The following MYO16 variants were observed in gnomAD, a reference collection of about 807,000 sequenced individuals.
The protein encoded by MYO16 is unconventional myosin-XVI.
In MYO16, 94 loss-of-function variants were observed where a neutral mutation model predicts 205.3. The observed-to-expected ratio is 0.46, with a 90% CI of 0.39 to 0.54. The LOEUF is 0.54. Among genes scored for constraint, MYO16 ranks in the 20% least tolerant of loss-of-function variants. The probability of loss-of-function intolerance (pLI) is 0.00; values close to 1 mark genes in which losing one functional copy is unlikely to be tolerated. For synonymous variants in MYO16, 988 were observed against 954.0 expected (o/e 1.04, Z -0.66); for missense variants, 2,315 against 2,387.5 (o/e 0.97, Z 0.63).
At chr13:108,883,492 A>G (rs1452671871) in intron 13 of MYO16, among the ~76,000 whole-genome samples, 1 of 152,226 alleles carries the variant, frequency 6.6e-6, no homozygotes, top group Non-Finnish European at 1.5e-5. Flanking sequence ...AAGAAAAACT[A>G]CCAATATTAC....
chr13:109,140,613 G>A lies in MYO16; in HGVS notation c.4401G>A (p.Pro1467=), dbSNP rs766929066. 1.8e-5 allele frequency: 27 copies of A among 1,518,174 alleles called. No individual in the cohort carries two copies. The African/African-American group carries it at 2.7e-4, about 15-fold the overall frequency. 94.0% of individuals were successfully genotyped at this position (1,518,174 alleles called of 1,614,324 possible). A position where few individuals can be genotyped will look rare whatever the true frequency, so the allele number is the denominator to read the frequency against. ...MKCCLPDDGG[P]GAGSFLLHGA... ...GTTGCCTGCCCGACGACGGCGGCCC[G>A]GGCGCGGGCTCCTTCCTGCTCCACG... The change falls in exon 32 of 35, where the codon CCG becomes CCA. Residue 1467 remains proline, a synonymous_variant. Coordinates refer to ENST00000457511, the MANE Select transcript of MYO16 (RefSeq NM_001198950.3). This position sits in a 1 kb window ranked among gnomAD's most constrained non-coding sequence, Gnocchi z 8.0.
rs138806349 is a variant in MYO16 at position 108,915,458 on chromosome 13, G to A, written c.1925+5308G>A. ...TACCAAAAGTTTCTTTTTCACTTAC[G>A]GTTCTTCCTATATTGACTGCTTCCC... On this transcript the variant is annotated intron_variant, in intron 16 of 34. Coordinates refer to ENST00000457511, the MANE Select transcript of MYO16 (RefSeq NM_001198950.3). Among the ~76,000 whole-genome samples the A allele has an allele frequency of 2.4e-4, 36 of 152,182 alleles. No individual in the cohort carries two copies. In the East Asian group the frequency reaches 4.3e-3, roughly 18 times the overall value.
At chr13:108,853,954 T>TTGTGTGTGTGTGTGTGTGTGTG (rs5806760) in intron 10 of MYO16, among the ~76,000 whole-genome samples, 8 of 138,500 alleles carry the variant, frequency 5.8e-5, no homozygotes, top group Admixed American at 2.2e-4. Flanking sequence ...GTTTCTATTA[T>TTGTGTGTGTGTGTGTGTGTGTG]TGTGTGTGTG....
At chr13:108,614,053 A>G (rs1340661809) in intron 1 of MYO16, among the ~76,000 whole-genome samples, 1 of 152,132 alleles carries the variant, frequency 6.6e-6, no homozygotes. Context: ...CTATTCTTAG[A>G]CAACATGATC....
intron 31 of MYO16, among the ~76,000 whole-genome samples, chr13:109,134,227 T>C (rs1215567376): frequency 6.6e-6 from 1 of 152,218 alleles, no homozygotes; most frequent in Non-Finnish European, 1.5e-5. Context: ...ACTTGTCCTG[T>C]GTCACATAGG....
At chr13:108,793,174 T>C (rs1403413371) in intron 5 of MYO16, among the ~76,000 whole-genome samples, 2 of 151,498 alleles carry the variant, frequency 1.3e-5, no homozygotes, top group East Asian at 3.9e-4. Context: ...TAGTCCCAGC[T>C]ACTCAGAAGG....
intron 34 of MYO16, among the ~76,000 whole-genome samples, chr13:109,204,462 A>G (rs1880520823): frequency 6.6e-6 from 1 of 152,162 alleles, no homozygotes; most frequent in African/African-American, 2.4e-5. Context: ...CTGGTGGAGG[A>G]TGACGGAGGA....
rs1239822488 is a variant in MYO16, at chr13:108,665,980, A to G, written c.123A>G (p.Leu41=). Residue 41 remains leucine (L), a synonymous_variant, in exon 2 of 35, where the codon CTA becomes CTG. Transcript: ENST00000457511. The stretch of plus-strand genomic sequence containing the variant: ...TTCCCCTTGGCCAACGGCAGCGTCT[A>G]GTGAAGCGCATGCGCTGTGAGCAAA... ...ESLPLGQRQR[L]VKRMRCEQIK... is the part of the protein sequence containing the mutation. The G allele has an allele frequency of 6.2e-7, 1 of 1,614,154 alleles. No homozygotes were observed. The highest frequency in any genetic ancestry group is 8.5e-7 in the Non-Finnish European group (1 of 1,179,998).
At chr13:108,833,991 A>C (rs1023681055) in intron 9 of MYO16, among the ~76,000 whole-genome samples, 1 of 152,136 alleles carries the variant, frequency 6.6e-6, no homozygotes, top group African/African-American at 2.4e-5. Flanking sequence ...TTTATTTTTC[A>C]TAATCAGAAT....
chr13:108,887,622 C>T (rs1039751748), intron 13 of MYO16, among the ~76,000 whole-genome samples: 3 of 151,936 alleles, frequency 2.0e-5, no homozygotes, highest in South Asian at 2.1e-4. Context: ...AAAGTGATGC[C>T]CTTATAAATA....
intron 20 of MYO16, among the ~76,000 whole-genome samples, chr13:108,981,096 A>T (rs753338417): frequency 2.2e-4 from 34 of 152,246 alleles, no homozygotes; most frequent in Non-Finnish European, 4.0e-4. Context: ...ATGTTTTCTA[A>T]ATAACCCTTT....
chr13:108,987,091 A>G (rs1276724841), intron 20 of MYO16, among the ~76,000 whole-genome samples: 2 of 152,208 alleles, frequency 1.3e-5, no homozygotes, highest in East Asian at 1.9e-4. Context: ...ATTAACTGCA[A>G]TGTTCCTCGC....
At chr13:108,934,367 A>G (rs1348097128) in intron 16 of MYO16, among the ~76,000 whole-genome samples, 1 of 152,012 alleles carries the variant, frequency 6.6e-6, no homozygotes, top group Non-Finnish European at 1.5e-5. Context: ...ATTTTTTCTT[A>G]TGATTGTTGG....
chr13:109,125,994 G>A lies in MYO16; in HGVS notation c.3782+636G>A, dbSNP rs1055083594. ...CTCTCTGTGAATGATGAAGACACCC[G>A]TGAATCACAACACCCCTAAGAGGGA... On this transcript the variant is annotated intron_variant, in intron 30 of 34. Transcript: ENST00000457511. This position sits in a 1 kb window ranked among gnomAD's most constrained non-coding sequence, Gnocchi z 4.0. Among the ~76,000 whole-genome samples, 8 of 152,154 alleles carry A rather than the reference G, an allele frequency of 5.3e-5. No individual in the cohort carries two copies. The highest frequency in any genetic ancestry group is 8.8e-5 in the Non-Finnish European group (6 of 68,026).
At chr13:109,123,512 C>T (rs1402327823) in intron 29 of MYO16, among the ~76,000 whole-genome samples, 1 of 152,120 alleles carries the variant, frequency 6.6e-6, no homozygotes, top group Non-Finnish European at 1.5e-5. Context: ...CTTTTTCGCG[C>T]TCAAGGTGCC....
intron 14 of MYO16, 113 bp from the exon 15 acceptor site, chr13:108,897,903 C>A: frequency 1.2e-6 from 1 of 840,508 alleles, no homozygotes; most frequent in Non-Finnish European, 1.9e-6. Context: ...ATTCTATGAG[C>A]AGGATAGAAA....
chr13:108,917,411 C>G lies in MYO16; in HGVS notation c.1925+7261C>G, dbSNP rs74119462. ...CCTGTGCTTTCCCCTGCATGGCACT[C>G]CAACTACCTGAAAGACTCCCAGCCC... On this transcript the variant is annotated intron_variant, in intron 16 of 34. Transcript: ENST00000457511. Among the ~76,000 whole-genome samples the G allele has an allele frequency of 2.4e-3, 364 of 152,310 alleles. 2 individuals carry two copies. Among genetic ancestry groups the G allele is most frequent in the African/African-American group, 8.4e-3 (350 of 41,576 alleles).
chr13:109,190,064 A>G (rs1254951772), intron 34 of MYO16, among the ~76,000 whole-genome samples: 1 of 152,078 alleles, frequency 6.6e-6, no homozygotes, highest in African/African-American at 2.4e-5. Flanking sequence ...TAATGTTATT[A>G]TAGTCAAATT....
intron 1 of MYO16, among the ~76,000 whole-genome samples, chr13:108,639,803 A>C (rs1880420260): frequency 6.6e-6 from 1 of 152,242 alleles, no homozygotes; most frequent in South Asian, 2.1e-4. Flanking sequence ...TGACCTGAGC[A>C]TGGAGAAAAC....
Sources: allele counts gnomAD v4.1 joint callset (sites outside exome capture counted in the v4.1 genomes callset), GRCh38; gene constraint gnomAD v4.1.1; non-coding constraint Gnocchi (gnomAD v3.1); transcripts MANE v1.5; gene names NCBI Gene and HGNC (gene_info 2026-07-23, HGNC 2026-07-21).